The following ASB13 variants were observed in gnomAD, a reference collection of about 807,000 sequenced individuals.
The protein encoded by ASB13 is ankyrin repeat and SOCS box protein 13.
Under a neutral mutation model 28.8 loss-of-function variants are expected in ASB13, and 33 were observed. That is an observed-to-expected ratio of 1.15 (90% CI 0.87 to 1.53). The LOEUF is 1.53. Ranked by LOEUF, ASB13 falls within the 40% of genes most tolerant of loss-of-function variation. ASB13 has a pLI of 0.00. For synonymous variants in ASB13, 182 were observed against 172.9 expected (o/e 1.05, Z -0.41); for missense variants, 414 against 390.1 (o/e 1.06, Z -0.52).
rs571142039 is a variant in ASB13 at position 5,650,945 on chromosome 10, C to T, written c.382+268G>A. On this transcript the variant is annotated intron_variant, in intron 3 of 5. Coordinates refer to ENST00000357700, the MANE Select transcript of ASB13 (RefSeq NM_024701.4). The surrounding 1 kb of genome is among the most constrained non-coding windows in gnomAD (Gnocchi z 6.0). ...TGCAGAGTCCCCCAGGCCCTGCTAACGTGGAGAGGCCCAGGGAACCCTGGC... is the reference window on the plus strand; with the variant it reads ...TGCAGAGTCCCCCAGGCCCTGCTAATGTGGAGAGGCCCAGGGAACCCTGGC... 6.6e-5 allele frequency among the ~76,000 whole-genome samples: 10 copies of T among 152,334 alleles called. No homozygotes were observed. In the South Asian group the frequency reaches 1.4e-3, roughly 22 times the overall value.
chr10:5,658,630 C>G lies in ASB13; in HGVS notation c.44-5580G>C, dbSNP rs1835109581. ...TACAGGATGAAAAAGTTCTAGAGATCTGTTACACAAAAATGTAAATGTACT... is the reference window on the plus strand; with the variant it reads ...TACAGGATGAAAAAGTTCTAGAGATGTGTTACACAAAAATGTAAATGTACT... On this transcript the variant is annotated intron_variant, in intron 1 of 5. Coordinates refer to ENST00000357700, the MANE Select transcript of ASB13 (RefSeq NM_024701.4). The surrounding 1 kb of genome is among the most constrained non-coding windows in gnomAD (Gnocchi z 4.2). Among the ~76,000 whole-genome samples, 1 of 152,106 alleles carries G rather than the reference C, an allele frequency of 6.6e-6. No homozygotes were observed. Among genetic ancestry groups the G allele is most frequent in the Non-Finnish European group, 1.5e-5 (1 of 68,014 alleles).
Position 5,651,141 on chromosome 10 carries a change from A to T in ASB13, c.382+72T>A. The T allele has an allele frequency of 6.6e-7, 1 of 1,505,898 alleles. No individual in the cohort carries two copies. The highest frequency in any genetic ancestry group is 1.3e-5 in the South Asian group (1 of 75,852). 93.3% of individuals were successfully genotyped at this position (1,505,898 alleles called of 1,614,324 possible). On this transcript the variant is annotated intron_variant, in intron 3 of 5. Transcript: ENST00000357700. This position sits in a 1 kb window ranked among gnomAD's most constrained non-coding sequence, Gnocchi z 5.1. ...TCTGTCTACTCTGCTTCCTTCCCTAAGTCCCTTTAATCCCAGAAAGGAGGA... is the reference window on the plus strand; with the variant it reads ...TCTGTCTACTCTGCTTCCTTCCCTATGTCCCTTTAATCCCAGAAAGGAGGA...
chr10:5,655,071 T>C lies in ASB13; in HGVS notation c.44-2021A>G, dbSNP rs1265437896. On this transcript the variant is annotated intron_variant, in intron 1 of 5. Coordinates refer to ENST00000357700, the MANE Select transcript of ASB13 (RefSeq NM_024701.4). The surrounding 1 kb of genome is among the most constrained non-coding windows in gnomAD (Gnocchi z 6.2). ...GAGCCCAGATCACGCCACTGCACCA[T>C]AGCCTGGGCAACAAGAGTGAAACTC... 6.6e-6 allele frequency among the ~76,000 whole-genome samples: 1 copy of C among 151,008 alleles called. No individual in the cohort carries two copies. Among genetic ancestry groups the C allele is most frequent in the African/African-American group, 2.4e-5 (1 of 40,968 alleles).
rs780370896 is a variant in ASB13 at position 5,666,500 on chromosome 10, C to T, written c.43+9G>A. The stretch of plus-strand genomic sequence containing the variant: ...GCCTCGCTCTGACCTCCGCGGCGCC[C>T]GCACGTACCCACGTCGCCCAGGAAG... On this transcript the variant is annotated intron_variant, in intron 1 of 5. Transcript: ENST00000357700. The T allele has an allele frequency of 1.5e-5, 20 of 1,291,862 alleles. No individual in the cohort carries two copies. In the South Asian group the frequency reaches 4.2e-4, roughly 27 times the overall value. The allele number at this position is 1,291,862 out of a possible 1,614,324, so 80.0% of individuals were successfully genotyped here.
rs148218152 is a variant in ASB13 at position 5,659,469 on chromosome 10, G to A, written c.44-6419C>T. 5.3e-5 allele frequency among the ~76,000 whole-genome samples: 8 copies of A among 152,298 alleles called. No homozygotes were observed. The highest frequency in any genetic ancestry group is 4.1e-4 in the South Asian group (2 of 4,820). On this transcript the variant is annotated intron_variant, in intron 1 of 5. Transcript: ENST00000357700. This position sits in a 1 kb window ranked among gnomAD's most constrained non-coding sequence, Gnocchi z 5.8. Reference sequence around the variant, plus strand: ...CAGGCTCCCCGTCATGCACACAGCCGTGTCCAGTGACACCAAACTCTACCG... The same window carrying A: ...CAGGCTCCCCGTCATGCACACAGCCATGTCCAGTGACACCAAACTCTACCG...
rs74685545 is a variant in ASB13 at position 5,661,226 on chromosome 10, C to T, written c.43+5283G>A. 0.019 allele frequency among the ~76,000 whole-genome samples: 2,896 copies of T among 152,224 alleles called. 154 individuals are homozygous for T. The highest frequency in any genetic ancestry group is 0.12 in the Admixed American group (1,761 of 15,304). Reference sequence around the variant, plus strand: ...CTGCAGAGCTGGGCACCTCCAGAGCCCATCCTCCACACTGCCCTGCCTGCA... The same window carrying T: ...CTGCAGAGCTGGGCACCTCCAGAGCTCATCCTCCACACTGCCCTGCCTGCA... On this transcript the variant is annotated intron_variant, in intron 1 of 5. Transcript: ENST00000357700. This position sits in a 1 kb window ranked among gnomAD's most constrained non-coding sequence, Gnocchi z 4.9.
At chr10:5,654,212 C>G (rs527639990) in intron 1 of ASB13, among the ~76,000 whole-genome samples, 1 of 147,968 alleles carries the variant, frequency 6.8e-6, no homozygotes, top group South Asian at 2.1e-4. Context: ...CAACACAACT[C>G]TAGCTAAGCA....
intron 1 of ASB13, among the ~76,000 whole-genome samples, chr10:5,654,995 G>A (rs771575919): frequency 1.5e-4 from 23 of 152,176 alleles, no homozygotes; most frequent in Middle Eastern, 3.4e-3. Flanking sequence ...CCCGCCACTT[G>A]GGAGGCTGAG....
intron 1 of ASB13, among the ~76,000 whole-genome samples, chr10:5,654,091 G>A (rs183510964): frequency 6.6e-6 from 1 of 150,564 alleles, no homozygotes; most frequent in Admixed American, 6.6e-5. Flanking sequence ...TCGGGGGAGA[G>A]CATTTAGTCA....
intron 1 of ASB13, among the ~76,000 whole-genome samples, chr10:5,662,075 G>A (rs1321784837): frequency 6.6e-6 from 1 of 152,124 alleles, no homozygotes; most frequent in Admixed American, 6.5e-5. Context: ...GAAGCCCCCA[G>A]GGAGGGTTTT....
rs1213370094 is a variant in ASB13 at position 5,666,580 on chromosome 10, C to G, written c.-29G>C. ...GCTCACCGGCGGCCGCGCGGCGACT[C>G]TGGGCGCCGGGACCTGGGCCGGGCC... On this transcript the variant is annotated 5_prime_UTR_variant, in exon 1 of 6. Transcript: ENST00000357700. 1 of 1,128,378 alleles carries G rather than the reference C, an allele frequency of 8.9e-7. No individual in the cohort carries two copies. Among genetic ancestry groups the G allele is most frequent in the Non-Finnish European group, 1.1e-6 (1 of 922,202 alleles). 69.9% of individuals were successfully genotyped at this position (1,128,378 alleles called of 1,614,324 possible).
rs17142329 is a variant in ASB13 at position 5,645,765 on chromosome 10, T to C, written c.517+3205A>G. On this transcript the variant is annotated intron_variant, in intron 4 of 5. Transcript: ENST00000357700. The surrounding 1 kb of genome is among the most constrained non-coding windows in gnomAD (Gnocchi z 5.4). ...GGAAAAGGGACTTTCCACTCTTCTG[T>C]TTTTCTAGAGACACGGTCCCTGGCT... Among the ~76,000 whole-genome samples the C allele has an allele frequency of 8.7e-3, 1,329 of 151,968 alleles. 10 individuals are homozygous for C. Among genetic ancestry groups the C allele is most frequent in the Non-Finnish European group, 0.014 (921 of 67,938 alleles).
Position 5,638,904 on chromosome 10 carries a change from T to A in ASB13, c.*1799A>T, listed in dbSNP as rs1834762872. On this transcript the variant is annotated 3_prime_UTR_variant, in exon 6 of 6. Transcript: ENST00000357700. ...CGCCACTTTTATTGAGCAACAGCCG[T>A]GGGGACCTGATTCTGCGCTAAGTGC... 6.6e-6 allele frequency: 1 copy of A among 152,218 alleles called. No individual in the cohort carries two copies. The highest frequency in any genetic ancestry group is 2.4e-5 in the African/African-American group (1 of 41,424). The allele number at this position is 152,218 out of a possible 1,614,324, so 9.4% of individuals were successfully genotyped here.
rs1835158969 is a variant in ASB13, at chr10:5,661,156, G to C, written c.43+5353C>G. Among the ~76,000 whole-genome samples, 1 of 152,086 alleles carries C rather than the reference G, an allele frequency of 6.6e-6. No individual in the cohort carries two copies. The highest frequency in any genetic ancestry group is 2.4e-5 in the African/African-American group (1 of 41,434). ...TGTGCCCAGGCCCGGCCACCCCCTA[G>C]AGAGCCTGTGTCTAGGAGGCAGCTG... is the stretch of plus-strand genomic sequence containing the variant. On this transcript the variant is annotated intron_variant, in intron 1 of 5. Transcript: ENST00000357700. The surrounding 1 kb of genome is among the most constrained non-coding windows in gnomAD (Gnocchi z 4.9).
At position 5,655,236 on chromosome 10, in the gene ASB13, C is replaced by G. The variant is rs896853327; in HGVS notation, c.44-2186G>C. On this transcript the variant is annotated intron_variant, in intron 1 of 5. Transcript: ENST00000357700. The surrounding 1 kb of genome is among the most constrained non-coding windows in gnomAD (Gnocchi z 6.2). ...CCACCTCTGCCTTGGGCACTGAGTA[C>G]AGGGTTAAGAGTTCCCTGGAGCCAC... Among the ~76,000 whole-genome samples, 9 of 152,134 alleles carry G rather than the reference C, an allele frequency of 5.9e-5. No individual in the cohort carries two copies. Among genetic ancestry groups the G allele is most frequent in the Non-Finnish European group, 1.3e-4 (9 of 68,034 alleles).
chr10:5,652,253 A>G lies in ASB13; in HGVS notation c.231+610T>C, dbSNP rs1282310791. Among the ~76,000 whole-genome samples, 1 of 152,178 alleles carries G rather than the reference A, an allele frequency of 6.6e-6. No homozygotes were observed. The highest frequency in any genetic ancestry group is 1.5e-5 in the Non-Finnish European group (1 of 68,030). On this transcript the variant is annotated intron_variant, in intron 2 of 5. Coordinates refer to ENST00000357700, the MANE Select transcript of ASB13 (RefSeq NM_024701.4). This position sits in a 1 kb window ranked among gnomAD's most constrained non-coding sequence, Gnocchi z 5.0. The stretch of plus-strand genomic sequence containing the variant: ...CAACCTTTTGGGAAGAGTAAACAGT[A>G]CACTGTCTTCCCTTCTTCCTCACCC...
rs1407215336 is a variant in ASB13 at position 5,640,002 on chromosome 10, T to C, written c.*701A>G. 2 of 152,686 alleles carry C rather than the reference T, an allele frequency of 1.3e-5. No homozygotes were observed. The highest frequency in any genetic ancestry group is 4.8e-5 in the African/African-American group (2 of 41,466). The allele number at this position is 152,686 out of a possible 1,614,324, so 9.5% of individuals were successfully genotyped here. A position where few individuals can be genotyped will look rare whatever the true frequency, so the allele number is the denominator to read the frequency against. ...CTTTTTACAAGAGTTGGAGACCTAA[T>C]ACTGAAGACAAATTTCCTAAGAAAC... On this transcript the variant is annotated 3_prime_UTR_variant, in exon 6 of 6. Transcript: ENST00000357700.
chr10:5,651,391 AG>A lies in ASB13; in HGVS notation c.232-29del. 1 of 1,558,820 alleles carries A rather than the reference AG, an allele frequency of 6.4e-7. No individual in the cohort carries two copies. The highest frequency in any genetic ancestry group is 8.7e-7 in the Non-Finnish European group (1 of 1,147,382). ...CACGGGAGGAAGAAACAAGTGTCAA[AG>A]GGCAGAGAAATGCCACGCAACCCAC... On this transcript the variant is annotated intron_variant, in intron 2 of 5. Coordinates refer to ENST00000357700, the MANE Select transcript of ASB13 (RefSeq NM_024701.4). The surrounding 1 kb of genome is among the most constrained non-coding windows in gnomAD (Gnocchi z 5.1).
At position 5,641,794 on chromosome 10, in the gene ASB13, C is replaced by A; in HGVS notation, c.685G>T (p.Ala229Ser). The A allele has an allele frequency of 6.2e-7, 1 of 1,603,134 alleles. No individual in the cohort carries two copies. The highest frequency in any genetic ancestry group is 8.5e-7 in the Non-Finnish European group (1 of 1,174,486). Residue 229 changes from alanine (A) to serine (S), a missense_variant, in exon 5 of 6, where the codon GCC becomes TCC. Physicochemically the swap from Ala to Ser is moderately conservative, Grantham distance 99. Coordinates refer to ENST00000357700, the MANE Select transcript of ASB13 (RefSeq NM_024701.4). The surrounding 1 kb of genome is among the most constrained non-coding windows in gnomAD (Gnocchi z 8.4). ...SDYTWSSSAPAKCFEYYEKTP... is the reference protein window; with the variant it reads ...SDYTWSSSAPSKCFEYYEKTP... ...CTTTCGTAGTACTCGAAGCACTTGG[C>A]GGGAGCGCTGCTGCTCCACGTGTAG...
Sources: gnomAD v4.1 joint callset for allele counts (sites outside exome capture counted in the v4.1 genomes callset) on GRCh38, gnomAD v4.1.1 for gene constraint, Gnocchi (gnomAD v3.1) non-coding constraint, MANE v1.5 for transcripts, NCBI Gene and HGNC (gene_info 2026-07-23, HGNC 2026-07-21) for gene names.